Variants in DAB2IP observed in about 807,000 individuals in gnomAD.
The protein encoded by DAB2IP is DAB2 interacting protein.
In DAB2IP, 28 loss-of-function variants were observed where a neutral mutation model predicts 107.2. The observed-to-expected ratio is 0.26, with a 90% CI of 0.19 to 0.36. DAB2IP has a LOEUF of 0.36. Ranked by LOEUF, DAB2IP falls within the 10% of genes least tolerant of loss-of-function variation. The pLI is 1.00. For missense variants in DAB2IP, 1,400 were observed against 1,644.7 expected (o/e 0.85, Z 2.57); for synonymous variants, 755 against 706.4 (o/e 1.07, Z -1.09).
At chr9:121,673,265 G>T (rs1833755072) in intron 1 of DAB2IP, among the ~76,000 whole-genome samples, 1 of 152,204 alleles carries the variant, frequency 6.6e-6, no homozygotes, top group African/African-American at 2.4e-5. Flanking sequence ...CTTCTCTGGG[G>T]CTGGAAGTGT....
chr9:121,577,169 C>T (rs371036060), intron 1 of DAB2IP, among the ~76,000 whole-genome samples: 3 of 152,340 alleles, frequency 2.0e-5, no homozygotes, highest in African/African-American at 7.2e-5. Context: ...GAAGAAGCTG[C>T]ATGGACAAGG....
intron 1 of DAB2IP, among the ~76,000 whole-genome samples, chr9:121,601,011 C>T (rs1191603057): frequency 1.3e-5 from 2 of 152,196 alleles, no homozygotes; most frequent in African/African-American, 4.8e-5. Flanking sequence ...TCTTAATCAG[C>T]CCTTTTGAGA....
Position 121,776,181 on chromosome 9 carries a change from C to T in DAB2IP, c.3121-17C>T, listed in dbSNP as rs777304040. 3.3e-5 allele frequency: 52 copies of T among 1,562,030 alleles called. No homozygotes were observed. In the South Asian group the frequency reaches 5.0e-4, roughly 15 times the overall value. On this transcript the variant is annotated splice_polypyrimidine_tract_variant and intron_variant, in intron 13 of 15. Coordinates refer to ENST00000408936, the Ensembl canonical transcript of DAB2IP. The surrounding 1 kb of genome is among the most constrained non-coding windows in gnomAD (Gnocchi z 5.4). ...GTGTCCTGGGTGCTGTGCCCGTGGA[C>T]GCTGCCCTCCTGGTAGGACCTGGCG...
intron 1 of DAB2IP, among the ~76,000 whole-genome samples, chr9:121,615,353 A>G (rs997843399): frequency 6.6e-6 from 1 of 152,180 alleles, no homozygotes; most frequent in East Asian, 1.9e-4. Flanking sequence ...CTGACTGTAG[A>G]ACACTTTCTT....
rs1341387953 is a variant in DAB2IP, at chr9:121,758,836, A to G, written c.517-62A>G. 5.4e-6 allele frequency: 8 copies of G among 1,494,972 alleles called. No homozygotes were observed. In the African/African-American group the frequency reaches 5.5e-5, roughly 10 times the overall value. The allele number at this position is 1,494,972 out of a possible 1,614,324, so 92.6% of individuals were successfully genotyped here. ...CCCTGAGCCTCCAAGGTCTTCTTCC[A>G]TCACTGCCTGCCCTTGCTGTGGTCC... On this transcript the variant is annotated intron_variant, in intron 4 of 15. Transcript: ENST00000408936.
intron 1 of DAB2IP, among the ~76,000 whole-genome samples, chr9:121,608,040 G>C (rs1337134317): frequency 6.6e-6 from 1 of 152,220 alleles, no homozygotes; most frequent in Non-Finnish European, 1.5e-5. Flanking sequence ...TTCCCAAAAG[G>C]CTCTGTCAGC....
upstream of DAB2IP, chr9:121,651,545 C>T (rs530022905): frequency 6.6e-4 from 375 of 571,078 alleles, 1 homozygote; most frequent in South Asian, 2.3e-3. This position sits in a 1 kb window ranked among gnomAD's most constrained non-coding sequence, Gnocchi z 5.1. Flanking sequence ...CGGGCCGGTG[C>T]CAGCCCGGCC....
intron 13 of DAB2IP, 71 bp downstream of exon 13, chr9:121,774,483 C>T: frequency 1.0e-5 from 15 of 1,463,626 alleles, no homozygotes; most frequent in Admixed American, 2.7e-5. Context: ...GGAGTCTCTC[C>T]CCCAGGTCCC....
chr9:121,655,775 C>T (rs1354884835), intron 1 of DAB2IP, among the ~76,000 whole-genome samples: 7 of 152,120 alleles, frequency 4.6e-5, no homozygotes, highest in Admixed American at 4.6e-4. Context: ...CTGAGTTTTT[C>T]TAGGGGTCCA....
intron 14 of DAB2IP, among the ~76,000 whole-genome samples, chr9:121,777,649 T>TCTA (rs1835299904): frequency 6.6e-6 from 1 of 152,274 alleles, no homozygotes. Flanking sequence ...GTATTCCATA[T>TCTA]CCTTACTGGC....
At chr9:121,774,682 C>T (rs978040219) in intron 13 of DAB2IP, among the ~76,000 whole-genome samples, 1 of 152,200 alleles carries the variant, frequency 6.6e-6, no homozygotes, top group African/African-American at 2.4e-5. Flanking sequence ...CTCCTGGGAC[C>T]TCTGGGAAGG....
rs769772964 is a variant in DAB2IP at position 121,766,854 on chromosome 9, C to T, written c.1697+124C>T. 763 of 928,866 alleles carry T rather than the reference C, an allele frequency of 8.2e-4. 1 individual carries two copies. The highest frequency in any genetic ancestry group is 1.1e-3 in the Non-Finnish European group (693 of 605,262). The allele number at this position is 928,866 out of a possible 1,614,324, so 57.5% of individuals were successfully genotyped here. On this transcript the variant is annotated intron_variant, in intron 9 of 15. Coordinates refer to ENST00000408936, the Ensembl canonical transcript of DAB2IP. ...AAACAGGCCCTGGTTTTGTCCCTGT[C>T]ATCCTCAGTCCTTCTCCTTCCCGCT...
chr9:121,688,570 C>T (rs1237165453), intron 2 of DAB2IP, among the ~76,000 whole-genome samples: 1 of 152,192 alleles, frequency 6.6e-6, no homozygotes, highest in Non-Finnish European at 1.5e-5. Flanking sequence ...CTCACTAGTG[C>T]CATCCAGGGC....
chr9:121,767,060 A>G (rs895646681), intron 9 of DAB2IP, among the ~76,000 whole-genome samples: 1 of 152,252 alleles, frequency 6.6e-6, no homozygotes, highest in Non-Finnish European at 1.5e-5. Context: ...CTGTTTTGAA[A>G]TAAATGACTA....
chr9:121,783,761 A>AC, exon 16 of DAB2IP: 1 of 645,484 alleles, frequency 1.5e-6, no homozygotes, highest in Non-Finnish European at 2.7e-6. Flanking sequence ...GGAGGGGCGC[A>AC]CCCCACAGCT....
rs1829612195 is a variant in DAB2IP, at chr9:121,699,206, C to T, written c.229-119C>T. On this transcript the variant is annotated intron_variant, in intron 2 of 15. Coordinates refer to ENST00000408936, the Ensembl canonical transcript of DAB2IP. The surrounding 1 kb of genome is among the most constrained non-coding windows in gnomAD (Gnocchi z 6.2). ...GCGAGCTGCTGGGGCCGAGCCCGAG[C>T]CCGGCCCGCCCTCGGCCGCGCGGCC... The T allele has an allele frequency of 2.0e-6, 2 of 981,146 alleles. No individual in the cohort carries two copies. The highest frequency in any genetic ancestry group is 1.8e-5 in the African/African-American group (1 of 56,360). 60.8% of individuals were successfully genotyped at this position (981,146 alleles called of 1,614,324 possible). A position where few individuals can be genotyped will look rare whatever the true frequency, so the allele number is the denominator to read the frequency against.
In DAB2IP at chr9:121,772,940, C is replaced by G; in HGVS notation, c.2412C>G (p.Gly804=). The G allele has an allele frequency of 6.4e-7, 1 of 1,566,574 alleles. No individual in the cohort carries two copies. The highest frequency in any genetic ancestry group is 8.6e-7 in the Non-Finnish European group (1 of 1,159,972). The stretch of plus-strand genomic sequence containing the variant: ...GGCTGGCCACGGTGCGGCGGGCAGG[C>G]CAGACACCAACCACACCAGGCACCT... The change falls in exon 12 of 16, where the codon GGC becomes GGG. Residue 804 remains glycine, a synonymous_variant. Coordinates refer to ENST00000408936, the Ensembl canonical transcript of DAB2IP. This position sits in a 1 kb window ranked among gnomAD's most constrained non-coding sequence, Gnocchi z 4.7.
chr9:121,746,185 G>A (rs1386212311), intron 3 of DAB2IP, among the ~76,000 whole-genome samples: 1 of 152,144 alleles, frequency 6.6e-6, no homozygotes, highest in African/African-American at 2.4e-5. Context: ...GTGCTGGCAG[G>A]AAGGGCGTGC....
chr9:121,632,152 G>A (rs1252580509), intron 1 of DAB2IP, among the ~76,000 whole-genome samples: 2 of 152,194 alleles, frequency 1.3e-5, no homozygotes, highest in African/African-American at 2.4e-5. Context: ...TGGCCTCTGC[G>A]GGTTACTAGC....
Sources: allele counts gnomAD v4.1 joint callset (sites outside exome capture counted in the v4.1 genomes callset), GRCh38; gene constraint gnomAD v4.1.1; non-coding constraint Gnocchi (gnomAD v3.1); transcripts MANE v1.5; gene names NCBI Gene and HGNC (gene_info 2026-07-23, HGNC 2026-07-21).